Variants in SIMC1 observed in about 807,000 individuals in gnomAD.
SIMC1 encodes the protein SUMO-interacting motif-containing protein 1.
In SIMC1, 55 loss-of-function variants were observed where a neutral mutation model predicts 82.3. The observed-to-expected ratio is 0.67, with a 90% confidence interval of 0.54 to 0.84. The LOEUF (loss-of-function observed/expected upper bound fraction) is 0.84, where lower values mean the gene tolerates loss of function less well. Ranked by LOEUF, SIMC1 falls within the 40% of genes least tolerant of loss-of-function variation. The pLI is 0.00. For missense variants in SIMC1, 915 were observed against 1,107.2 expected (o/e 0.83, Z 2.46); for synonymous variants, 353 against 426.3 (o/e 0.83, Z 2.12).
chr5:176,313,987 C>A lies in SIMC1; in HGVS notation c.1889+142C>A. ...GCTAATTTTTAAAACTATAGATAGA[C>A]CAGGTGCAGTGATTCACACCTGTAA... is the stretch of plus-strand genomic sequence containing the variant. On this transcript the variant is annotated intron_variant, in intron 5 of 9. Coordinates refer to ENST00000429602, the MANE Select transcript of SIMC1 (RefSeq NM_001308195.2). The A allele has an allele frequency of 3.7e-6, 4 of 1,066,828 alleles. No individual in the cohort carries two copies. The South Asian group carries it at 5.0e-5, about 13-fold the overall frequency. 66.1% of individuals were successfully genotyped at this position (1,066,828 alleles called of 1,614,324 possible).
At chr5:176,288,488 C>T (rs1038252013) in intron 1 of SIMC1, among the ~76,000 whole-genome samples, 6 of 151,938 alleles carry the variant, frequency 3.9e-5, no homozygotes, top group Admixed American at 1.3e-4. Context: ...TGCATTTTAG[C>T]AGTTGGCTAT....
intron 1 of SIMC1, among the ~76,000 whole-genome samples, chr5:176,252,328 T>C (rs1225932177): frequency 6.7e-6 from 1 of 150,220 alleles, no homozygotes. Context: ...GCAGAGACGC[T>C]CCTCACTTCC....
At chr5:176,272,987 T>C (rs1436489835) in intron 1 of SIMC1, among the ~76,000 whole-genome samples, 2 of 152,194 alleles carry the variant, frequency 1.3e-5, no homozygotes, top group African/African-American at 4.8e-5. Flanking sequence ...CCTGCCTCTG[T>C]AGACTCCACT....
intron 1 of SIMC1, among the ~76,000 whole-genome samples, chr5:176,271,367 A>G (rs940590573): frequency 5.3e-5 from 8 of 152,192 alleles, no homozygotes; most frequent in African/African-American, 1.9e-4. Context: ...CTCAAAAAAA[A>G]AAGTGTATGA....
chr5:176,277,693 T>C (rs1284844214), intron 1 of SIMC1, among the ~76,000 whole-genome samples: 1 of 152,092 alleles, frequency 6.6e-6, no homozygotes, highest in East Asian at 1.9e-4. Flanking sequence ...CAGCACCATT[T>C]ATTAACTAGG....
intron 7 of SIMC1, 35 bp from the exon 8 acceptor site, chr5:176,336,684 GT>G: frequency 6.2e-7 from 1 of 1,608,156 alleles, no homozygotes; most frequent in South Asian, 1.1e-5. Context: ...AAGCATAGTT[GT>G]GATGATTAAC....
intron 6 of SIMC1, among the ~76,000 whole-genome samples, chr5:176,323,019 A>G (rs1765230695): frequency 6.6e-6 from 1 of 152,238 alleles, no homozygotes; most frequent in Non-Finnish European, 1.5e-5. Flanking sequence ...CAAATAACCC[A>G]GTATTCCATG....
intron 4 of SIMC1, chr5:176,308,857 C>T: frequency 1.1e-5 from 14 of 1,275,852 alleles, no homozygotes; most frequent in Non-Finnish European, 1.6e-5. Context: ...TCCATAATGG[C>T]TCAGTGTTTA....
At chr5:176,330,124 GGT>G (rs1765575046) in intron 7 of SIMC1, among the ~76,000 whole-genome samples, 1 of 152,164 alleles carries the variant, frequency 6.6e-6, no homozygotes, top group South Asian at 2.1e-4. Context: ...ACCAGGGCCA[GGT>G]GTGGTGGCTC....
rs887164896 is a variant in SIMC1, at chr5:176,345,272, G to C, written c.2503G>C (p.Val835Leu). The change falls in exon 10 of 10, where the codon GTA becomes CTA. Residue 835 changes from valine (V) to leucine (L), a missense_variant. Transcript: ENST00000429602. Reference sequence around the variant, plus strand: ...CCAGCAAGGAGATGACATCACAGTGGTAGACGTAGAGAAGCAGATTGAGGC... The same window carrying C: ...CCAGCAAGGAGATGACATCACAGTGCTAGACGTAGAGAAGCAGATTGAGGC... ...KPQQGDDITV[V>L]DVEKQIEAFR... is the part of the protein sequence containing the mutation. The C allele has an allele frequency of 1.2e-6, 2 of 1,613,882 alleles. No individual in the cohort carries two copies. Among genetic ancestry groups the C allele is most frequent in the African/African-American group, 2.7e-5 (2 of 74,914 alleles).
chr5:176,324,263 C>A (rs577974687), intron 6 of SIMC1, among the ~76,000 whole-genome samples: 1 of 152,300 alleles, frequency 6.6e-6, no homozygotes, highest in South Asian at 2.1e-4. Flanking sequence ...CATTTTAAGT[C>A]ACTCTGGACC....
At chr5:176,274,934 G>C (rs1299752539) in intron 1 of SIMC1, among the ~76,000 whole-genome samples, 3 of 151,816 alleles carry the variant, frequency 2.0e-5, no homozygotes, top group Non-Finnish European at 4.4e-5. Flanking sequence ...GTGTTCTTTT[G>C]GCTTAGGATT....
intron 1 of SIMC1, among the ~76,000 whole-genome samples, chr5:176,276,604 C>G (rs924126820): frequency 1.7e-5 from 2 of 119,166 alleles, no homozygotes; most frequent in Admixed American, 1.9e-4. Flanking sequence ...CCCCTCCCCC[C>G]ACCCCACAAC....
In SIMC1 at chr5:176,290,419, C is replaced by A. The variant is rs1268999767; in HGVS notation, c.895C>A (p.Pro299Thr). 6.2e-7 allele frequency: 1 copy of A among 1,613,898 alleles called. No individual in the cohort carries two copies. Among genetic ancestry groups the A allele is most frequent in the Non-Finnish European group, 8.5e-7 (1 of 1,179,904 alleles). ...AGGGCTGCCTCAAAGCATATTACAT[C>A]CACAAGATGTGGCATACCTGCAAGA... ...VPGLPQSILH[P>T]QDVAYLQDMP... is the part of the protein sequence containing the mutation. The change falls in exon 2 of 10, where the codon CCA becomes ACA. Residue 299 changes from proline (P) to threonine (T), a missense_variant. Pro to Thr is a conservative substitution (Grantham distance 38, BLOSUM62 -1). Transcript: ENST00000429602.
chr5:176,335,620 C>T (rs1214696552), intron 7 of SIMC1, among the ~76,000 whole-genome samples: 2 of 151,916 alleles, frequency 1.3e-5, no homozygotes, highest in African/African-American at 2.4e-5. Flanking sequence ...GGTAATTCTA[C>T]GTACAGTTCC....
Position 176,243,167 on chromosome 5 carries a change from T to C in SIMC1, c.129+4530T>C, listed in dbSNP as rs545373723. 3.3e-3 allele frequency among the ~76,000 whole-genome samples: 497 copies of C among 152,162 alleles called. 5 individuals carry two copies. The highest frequency in any genetic ancestry group is 0.012 in the African/African-American group (477 of 41,462). ...TAAGAGAACAGTATAATAGTAACTT[T>C]GGTGGGATTGGGAACATTTGATTGT... On this transcript the variant is annotated intron_variant, in intron 1 of 9. Coordinates refer to ENST00000429602, the MANE Select transcript of SIMC1 (RefSeq NM_001308195.2).
At chr5:176,255,854 G>C (rs1033941634) in intron 1 of SIMC1, among the ~76,000 whole-genome samples, 2 of 151,748 alleles carry the variant, frequency 1.3e-5, no homozygotes, top group Non-Finnish European at 2.9e-5. Context: ...CGTTAAAGCA[G>C]AGTTAGAGCT....
chr5:176,246,937 A>T (rs1761468552), intron 1 of SIMC1, among the ~76,000 whole-genome samples: 1 of 152,032 alleles, frequency 6.6e-6, no homozygotes. Flanking sequence ...AAGGACATGA[A>T]CTTATCCTTT....
chr5:176,284,323 T>G (rs532462453), intron 1 of SIMC1, among the ~76,000 whole-genome samples: 138 of 152,176 alleles, frequency 9.1e-4, no homozygotes, highest in African/African-American at 3.0e-3. Context: ...AACAAACTGT[T>G]TCTCAGACCA....
Sources: allele counts gnomAD v4.1 joint callset (sites outside exome capture counted in the v4.1 genomes callset), GRCh38; gene constraint gnomAD v4.1.1; transcripts MANE v1.5; gene names NCBI Gene and HGNC (gene_info 2026-07-23, HGNC 2026-07-21).